AOAH: variants seen among roughly 807,000 people sequenced by gnomAD.
The protein encoded by AOAH is acyloxyacyl hydrolase (neutrophil).
In AOAH, 64 loss-of-function variants were observed where a neutral mutation model predicts 92.2. That is an observed-to-expected ratio of 0.69 (90% CI 0.57 to 0.86). AOAH has a LOEUF of 0.86. Ranked by LOEUF, AOAH falls within the 40% of genes least tolerant of loss-of-function variation. The pLI is 0.00. For synonymous variants in AOAH, 263 were observed against 254.5 expected, an observed-to-expected ratio of 1.03 and a Z score of -0.32; for missense variants, 656 against 694.6, an observed-to-expected ratio of 0.94 and a Z score of 0.62.
intron 1 of AOAH, among the ~76,000 whole-genome samples, chr7:36,693,636 T>C (rs6462696): frequency 0.57 from 86,158 of 151,924 alleles, 24,764 homozygotes; most frequent in East Asian, 0.83. Context: ...TACTTCAAGT[T>C]TGGAGTCTGG....
chr7:36,634,020 T>C (rs1022257584), intron 5 of AOAH, among the ~76,000 whole-genome samples: 1 of 152,092 alleles, frequency 6.6e-6, no homozygotes, highest in Non-Finnish European at 1.5e-5. Flanking sequence ...GGGGCAATAT[T>C]GCCACGAGTT....
At chr7:36,561,952 A>G (rs778684495) in intron 13 of AOAH, among the ~76,000 whole-genome samples, 1 of 152,130 alleles carries the variant, frequency 6.6e-6, no homozygotes, top group Non-Finnish European at 1.5e-5. Flanking sequence ...AAATTTTTGA[A>G]AAGCAATCAC....
chr7:36,683,448 G>A (rs551456470), intron 2 of AOAH, among the ~76,000 whole-genome samples: 1 of 152,262 alleles, frequency 6.6e-6, no homozygotes, highest in East Asian at 1.9e-4. Flanking sequence ...CTCAGATAAG[G>A]TAGGACAATG....
intron 4 of AOAH, among the ~76,000 whole-genome samples, chr7:36,650,161 C>T (rs1205093992): frequency 1.2e-5 from 1 of 80,086 alleles, no homozygotes; most frequent in Non-Finnish European, 2.5e-5. Context: ...TTGGAAGTGG[C>T]CCACCACCGT....
intron 12 of AOAH, among the ~76,000 whole-genome samples, chr7:36,578,643 T>G (rs1237965800): frequency 6.6e-6 from 1 of 152,228 alleles, no homozygotes; most frequent in South Asian, 2.1e-4. Flanking sequence ...ACTTCTTGAT[T>G]GTTAGTCTTT....
intron 1 of AOAH, among the ~76,000 whole-genome samples, chr7:36,703,998 C>T (rs1423209415): frequency 6.6e-6 from 1 of 152,142 alleles, no homozygotes; most frequent in Non-Finnish European, 1.5e-5. Context: ...TAATGATCAC[C>T]ATTCTAACTG....
Position 36,516,436 on chromosome 7 carries a change from A to AC in AOAH, c.1600-3057dup, listed in dbSNP as rs1003907828. Among the ~76,000 whole-genome samples the AC allele has an allele frequency of 4.5e-4, 43 of 94,568 alleles. 4 individuals are homozygous for AC. Among genetic ancestry groups the AC allele is most frequent in the South Asian group, 2.6e-3 (6 of 2,292 alleles). The allele number at this position is 94,568 out of a possible 152,430, so 62.0% of individuals were successfully genotyped here. A position where few individuals can be genotyped will look rare whatever the true frequency, so the allele number is the denominator to read the frequency against. ...ACACCCCCACAGAAAGCACGCAGAT[A>AC]CCCCCCCCACACACACAGAAAGTGC... On this transcript the variant is annotated intron_variant, in intron 20 of 20. Transcript: ENST00000617537. The surrounding 1 kb of genome is among the most constrained non-coding windows in gnomAD (Gnocchi z 5.0).
Position 36,637,966 on chromosome 7 carries a change from A to G in AOAH, c.391-56T>C, listed in dbSNP as rs113271687. 3.6e-6 allele frequency: 5 copies of G among 1,399,098 alleles called. No homozygotes were observed. In the Admixed American group the frequency reaches 8.9e-5, roughly 25 times the overall value. 86.7% of individuals were successfully genotyped at this position (1,399,098 alleles called of 1,614,324 possible). ...CTCATGTTTTATCTTTTCTTCCTAC[A>G]TCTTTTCTAAAATTAGGATATTTAA... On this transcript the variant is annotated intron_variant, in intron 4 of 20. Coordinates refer to ENST00000617537, the MANE Select transcript of AOAH (RefSeq NM_001637.4).
At chr7:36,610,935 C>T (rs973058711) in intron 11 of AOAH, among the ~76,000 whole-genome samples, 4 of 152,300 alleles carry the variant, frequency 2.6e-5, no homozygotes, top group Non-Finnish European at 4.4e-5. Context: ...CAACATAGCT[C>T]AATTGAAAAC....
chr7:36,564,540 A>G (rs1787539080), intron 13 of AOAH, among the ~76,000 whole-genome samples: 2 of 152,236 alleles, frequency 1.3e-5, no homozygotes, highest in Admixed American at 6.5e-5. Context: ...GATGCTTTGG[A>G]ACTGATAGAA....
intron 6 of AOAH, among the ~76,000 whole-genome samples, chr7:36,631,323 G>A (rs970673397): frequency 2.0e-5 from 3 of 150,980 alleles, no homozygotes; most frequent in Non-Finnish European, 4.4e-5. Context: ...CTCCAGCCTG[G>A]GCAACAAGAG....
In AOAH at chr7:36,712,625, C is replaced by T. The variant is rs139610609; in HGVS notation, c.127+11397G>A. On this transcript the variant is annotated intron_variant, in intron 1 of 20. Transcript: ENST00000617537. ...AAAGGGAAGCCCATCAGACTAACAGCGGATCTCTCAGCAGAAACTCTACAA... is the reference window on the plus strand; with the variant it reads ...AAAGGGAAGCCCATCAGACTAACAGTGGATCTCTCAGCAGAAACTCTACAA... Among the ~76,000 whole-genome samples the T allele has an allele frequency of 9.8e-3, 1,493 of 152,260 alleles. 20 individuals are homozygous for T. The highest frequency in any genetic ancestry group is 0.034 in the African/African-American group (1,393 of 41,540).
chr7:36,668,485 G>T (rs1021448143), intron 3 of AOAH, among the ~76,000 whole-genome samples: 1 of 152,106 alleles, frequency 6.6e-6, no homozygotes, highest in Non-Finnish European at 1.5e-5. Context: ...TACTTCTTTT[G>T]TTGTTTGTTT....
In AOAH at chr7:36,594,392, C is replaced by A. The variant is rs768307327; in HGVS notation, c.885G>T (p.Glu295Asp). Residue 295 changes from glutamate (E) to aspartate (D), a missense_variant, in exon 12 of 21, where the codon GAG becomes GAT. Transcript: ENST00000617537. ...FINLPTALTN[E>D]LDWPQLSGAT... ...CACCAGAGAGTTGGGGCCAGTCAAG[C>A]TCGTTGGTAAGGGCTGTTGGTAGAT... is the stretch of plus-strand genomic sequence containing the variant. 6.2e-7 allele frequency: 1 copy of A among 1,614,036 alleles called. No individual in the cohort carries two copies. Among genetic ancestry groups the A allele is most frequent in the Non-Finnish European group, 8.5e-7 (1 of 1,179,936 alleles).
Position 36,659,229 on chromosome 7 carries a change from G to A in AOAH, c.327C>T (p.His109=), listed in dbSNP as rs1334721919. The A allele has an allele frequency of 6.2e-7, 1 of 1,614,130 alleles. No homozygotes were observed. Among genetic ancestry groups the A allele is most frequent in the Non-Finnish European group, 8.5e-7 (1 of 1,179,968 alleles). The change falls in exon 4 of 21, where the codon CAC becomes CAT. Residue 109 remains histidine, a synonymous_variant. Transcript: ENST00000617537. ...SADMNADVVC[H]TLEFCKQNTG... ...TGTTCTGTTTACAAAACTCCAGAGT[G>A]TGACATACCACATCAGCATTCATAT...
At chr7:36,678,346 T>C (rs1459986862) in intron 2 of AOAH, among the ~76,000 whole-genome samples, 1 of 152,204 alleles carries the variant, frequency 6.6e-6, no homozygotes, top group Non-Finnish European at 1.5e-5. Context: ...ATCACTATAA[T>C]GTCTGCTAAG....
chr7:36,696,951 C>A (rs190705233), intron 1 of AOAH, among the ~76,000 whole-genome samples: 20 of 151,950 alleles, frequency 1.3e-4, no homozygotes, highest in African/African-American at 4.6e-4. Flanking sequence ...TTGTAGATAC[C>A]TTAGGATTTT....
At chr7:36,693,346 AG>A (rs2116835055) in intron 1 of AOAH, among the ~76,000 whole-genome samples, 1 of 152,300 alleles carries the variant, frequency 6.6e-6, no homozygotes, top group Admixed American at 6.5e-5. Context: ...GTGTATCCAA[AG>A]GTATCTAAAT....
At chr7:36,694,494 A>G (rs1352574224) in intron 1 of AOAH, among the ~76,000 whole-genome samples, 1 of 152,196 alleles carries the variant, frequency 6.6e-6, no homozygotes, top group Non-Finnish European at 1.5e-5. Flanking sequence ...CCATCTCAAA[A>G]CAGAACAAAA....
Sources: allele counts gnomAD v4.1 joint callset (sites outside exome capture counted in the v4.1 genomes callset), GRCh38; gene constraint gnomAD v4.1.1; non-coding constraint Gnocchi (gnomAD v3.1); transcripts MANE v1.5; gene names NCBI Gene and HGNC (gene_info 2026-07-23, HGNC 2026-07-21).